The following ZBTB7C variants were observed in gnomAD, a reference collection of about 807,000 sequenced individuals.
The protein encoded by ZBTB7C is zinc finger and BTB domain-containing protein 7C.
In ZBTB7C, 8 loss-of-function variants were observed where a neutral mutation model predicts 25.7. The ratio of observed to expected loss-of-function variants is 0.31; its 90% CI spans 0.18 to 0.56. ZBTB7C has a LOEUF of 0.56. Ranked by LOEUF, ZBTB7C falls within the 20% of genes least tolerant of loss-of-function variation. The pLI, the probability that ZBTB7C is intolerant of heterozygous loss-of-function variation, is 0.91. For synonymous variants in ZBTB7C, 394 were observed against 369.0 expected (o/e 1.07, Z -0.78); for missense variants, 824 against 855.2 (o/e 0.96, Z 0.46).
intron 2 of ZBTB7C, among the ~76,000 whole-genome samples, chr18:48,304,342 G>A (rs1167323867): frequency 2.6e-5 from 4 of 152,176 alleles, no homozygotes; most frequent in East Asian, 3.9e-4. Flanking sequence ...CTAGGAAGGC[G>A]TTCCTCACAC....
chr18:48,339,765 G>T (rs139892643), intron 1 of ZBTB7C, among the ~76,000 whole-genome samples: 17 of 152,280 alleles, frequency 1.1e-4, no homozygotes, highest in Non-Finnish European at 1.9e-4. Flanking sequence ...TCCCTCATAG[G>T]AGGGTCGAAG....
intron 3 of ZBTB7C, chr18:48,137,334 G>C: frequency 1.0e-6 from 1 of 985,376 alleles, no homozygotes; most frequent in Non-Finnish European, 1.2e-6. Flanking sequence ...AGGTAAAGCA[G>C]AAATAAAGGC....
At chr18:48,242,756 A>T (rs1568325637) in intron 2 of ZBTB7C, among the ~76,000 whole-genome samples, 1 of 152,192 alleles carries the variant, frequency 6.6e-6, no homozygotes, top group Non-Finnish European at 1.5e-5. Context: ...TGAACAGGGA[A>T]ACATTGAGAC....
intron 1 of ZBTB7C, among the ~76,000 whole-genome samples, chr18:48,358,166 C>A (rs751860743): frequency 1.3e-5 from 2 of 152,076 alleles, no homozygotes; most frequent in African/African-American, 2.4e-5. Flanking sequence ...GCCTGGCCAA[C>A]AATGGTGAAA....
At chr18:48,287,400 A>G (rs2045088788) in intron 2 of ZBTB7C, among the ~76,000 whole-genome samples, 2 of 152,246 alleles carry the variant, frequency 1.3e-5, no homozygotes, top group African/African-American at 4.8e-5. Context: ...GAGTCTTCCA[A>G]TCATTAAATA....
intron 3 of ZBTB7C, among the ~76,000 whole-genome samples, chr18:48,153,040 T>C (rs2144900609): frequency 6.6e-6 from 1 of 152,370 alleles, no homozygotes; most frequent in South Asian, 2.1e-4. Flanking sequence ...GGGCAAGATA[T>C]GCCCTTTGAG....
At chr18:48,242,499 C>T (rs550919114) in intron 2 of ZBTB7C, among the ~76,000 whole-genome samples, 1 of 152,082 alleles carries the variant, frequency 6.6e-6, no homozygotes, top group East Asian at 1.9e-4. Flanking sequence ...AGATAATATA[C>T]CATGATCGAG....
intron 4 of ZBTB7C, among the ~76,000 whole-genome samples, chr18:48,037,798 C>T (rs769495329): frequency 9.2e-5 from 14 of 152,198 alleles, no homozygotes; most frequent in South Asian, 2.1e-4. Flanking sequence ...GCAGAGCCTG[C>T]GTTGGCAGGA....
chr18:48,140,187 C>T (rs1156724078), intron 3 of ZBTB7C, among the ~76,000 whole-genome samples: 1 of 152,236 alleles, frequency 6.6e-6, no homozygotes, highest in African/African-American at 2.4e-5. Flanking sequence ...AGGGCCTAGT[C>T]ATCTGCTGGG....
upstream of ZBTB7C, among the ~76,000 whole-genome samples, chr18:48,412,225 T>C (rs1263328039): frequency 5.3e-5 from 8 of 152,204 alleles, no homozygotes; most frequent in Non-Finnish European, 1.2e-4. Context: ...CAATATTAGT[T>C]ATGGTGATAA....
chr18:48,105,785 C>T (rs746934229), intron 3 of ZBTB7C, among the ~76,000 whole-genome samples: 1 of 152,172 alleles, frequency 6.6e-6, no homozygotes, highest in Non-Finnish European at 1.5e-5. Flanking sequence ...TGTAAATACT[C>T]CCGGTTCACA....
At chr18:48,244,461 A>T (rs1288398227) in intron 2 of ZBTB7C, among the ~76,000 whole-genome samples, 1 of 152,212 alleles carries the variant, frequency 6.6e-6, no homozygotes, top group Non-Finnish European at 1.5e-5. Flanking sequence ...TAAACTAAAA[A>T]GCATCTGCAC....
chr18:48,308,618 T>A (rs984772124), intron 2 of ZBTB7C, among the ~76,000 whole-genome samples: 3 of 152,372 alleles, frequency 2.0e-5, no homozygotes, highest in Middle Eastern at 3.4e-3. Flanking sequence ...GTTTAAGATG[T>A]CACAGCAATG....
At chr18:48,088,726 A>G (rs1214642968) in intron 3 of ZBTB7C, among the ~76,000 whole-genome samples, 1 of 152,172 alleles carries the variant, frequency 6.6e-6, no homozygotes, top group Non-Finnish European at 1.5e-5. Context: ...GCTACTCAGG[A>G]GGCTGAGGCA....
intron 3 of ZBTB7C, among the ~76,000 whole-genome samples, chr18:48,076,299 T>C (rs1482371567): frequency 6.6e-6 from 1 of 151,756 alleles, no homozygotes; most frequent in Non-Finnish European, 1.5e-5. Context: ...ACTCAACGAG[T>C]GAAGGAAGGA....
At chr18:48,222,500 C>A (rs1393686326) in intron 2 of ZBTB7C, among the ~76,000 whole-genome samples, 1 of 152,172 alleles carries the variant, frequency 6.6e-6, no homozygotes, top group Non-Finnish European at 1.5e-5. Flanking sequence ...AATTCTCTCC[C>A]TCTATACTGT....
At chr18:48,322,827 A>C (rs2046130024) in intron 2 of ZBTB7C, among the ~76,000 whole-genome samples, 1 of 152,226 alleles carries the variant, frequency 6.6e-6, no homozygotes, top group Non-Finnish European at 1.5e-5. Context: ...TGGATAAAGC[A>C]ACTGTGGTAT....
At chr18:48,060,169 C>T (rs1287209402) in intron 3 of ZBTB7C, among the ~76,000 whole-genome samples, 1 of 152,112 alleles carries the variant, frequency 6.6e-6, no homozygotes, top group Non-Finnish European at 1.5e-5. Context: ...AGCTCATCCA[C>T]CCTCTGATTT....
intron 2 of ZBTB7C, among the ~76,000 whole-genome samples, chr18:48,227,997 G>C (rs1323259842): frequency 2.0e-5 from 3 of 152,164 alleles, no homozygotes; most frequent in Non-Finnish European, 4.4e-5. Context: ...GGAGGAAAGG[G>C]ATGGGCATCA....
Sources: gnomAD v4.1 joint callset for allele counts (sites outside exome capture counted in the v4.1 genomes callset) on GRCh38, gnomAD v4.1.1 for gene constraint, MANE v1.5 for transcripts, NCBI Gene and HGNC (gene_info 2026-07-23, HGNC 2026-07-21) for gene names.